MOXD1: variants seen among roughly 807,000 people sequenced by gnomAD.
MOXD1 encodes monooxygenase DBH like 1.
In MOXD1, 62 loss-of-function variants were observed where a neutral mutation model predicts 66.6. That is an observed-to-expected ratio of 0.93 (90% CI 0.76 to 1.15). The LOEUF (loss-of-function observed/expected upper bound fraction) is 1.15, where lower values mean the gene tolerates loss of function less well. MOXD1 is among the 50% of genes most tolerant of loss of function. The pLI is 0.00. For synonymous variants in MOXD1, 303 were observed against 281.9 expected, an observed-to-expected ratio of 1.07 and a Z score of -0.75; for missense variants, 847 against 754.6, an observed-to-expected ratio of 1.12 and a Z score of -1.44.
At chr6:132,399,902 T>A (rs1776982286) in intron 1 of MOXD1, among the ~76,000 whole-genome samples, 1 of 152,208 alleles carries the variant, frequency 6.6e-6, no homozygotes, top group Non-Finnish European at 1.5e-5. Flanking sequence ...AGTTAATGTC[T>A]GAGATGCTGC....
intron 4 of MOXD1, among the ~76,000 whole-genome samples, chr6:132,332,531 C>A (rs978666721): frequency 1.3e-5 from 2 of 152,136 alleles, no homozygotes; most frequent in Non-Finnish European, 2.9e-5. Context: ...AATTTTCAGA[C>A]CACCATGGGG....
At position 132,359,522 on chromosome 6, in the gene MOXD1, T is replaced by G. The variant is rs530261627; in HGVS notation, c.663+13086A>C. Among the ~76,000 whole-genome samples the G allele has an allele frequency of 7.3e-3, 1,096 of 149,192 alleles. 5 individuals are homozygous for G. The highest frequency in any genetic ancestry group is 0.012 in the Non-Finnish European group (781 of 67,444). ...TTTTTTTTGAGACGGAGTCTCGCTC[T>G]GTCGCCCAGGCTGGAGTGCAGTGGC... On this transcript the variant is annotated intron_variant, in intron 4 of 11. Coordinates refer to ENST00000367963, the MANE Select transcript of MOXD1 (RefSeq NM_015529.4).
rs140099289 is a variant in MOXD1 at position 132,390,139 on chromosome 6, T to C, written c.264+11024A>G. Among the ~76,000 whole-genome samples, 281 of 151,574 alleles carry C rather than the reference T, an allele frequency of 1.9e-3. 5 individuals carry two copies. Among genetic ancestry groups the C allele is most frequent in the African/African-American group, 6.5e-3 (270 of 41,514 alleles). ...ACTCTAGCTGAGCTTACTAAACATC[T>C]GTGTAACAATGCCACAGAAATAGAA... On this transcript the variant is annotated intron_variant, in intron 1 of 11. Transcript: ENST00000367963.
intron 4 of MOXD1, among the ~76,000 whole-genome samples, chr6:132,332,113 T>C (rs1775332516): frequency 6.6e-6 from 1 of 152,174 alleles, no homozygotes; most frequent in African/African-American, 2.4e-5. Context: ...ACCCATGGCC[T>C]TTCAAGGTGT....
chr6:132,381,049 C>T (rs888289737), intron 1 of MOXD1, among the ~76,000 whole-genome samples: 1 of 152,126 alleles, frequency 6.6e-6, no homozygotes, highest in Non-Finnish European at 1.5e-5. Context: ...AAAAATAGAT[C>T]TAAGAGGGAG....
intron 10 of MOXD1, among the ~76,000 whole-genome samples, chr6:132,306,554 T>A (rs1774692505): frequency 6.6e-6 from 1 of 151,908 alleles, no homozygotes; most frequent in Non-Finnish European, 1.5e-5. Flanking sequence ...CCAAGACACA[T>A]AATAATCAGA....
chr6:132,305,880 A>C (rs937958330), intron 10 of MOXD1, among the ~76,000 whole-genome samples: 3 of 152,184 alleles, frequency 2.0e-5, no homozygotes, highest in Admixed American at 2.0e-4. Context: ...TGAATACCAA[A>C]ACTGGACAAA....
chr6:132,306,405 G>T (rs974245491), intron 10 of MOXD1, among the ~76,000 whole-genome samples: 1 of 152,130 alleles, frequency 6.6e-6, no homozygotes, highest in African/African-American at 2.4e-5. Flanking sequence ...ACCAGAAGGA[G>T]ATGGGGAAAA....
chr6:132,397,698 GAA>G (rs869225642), intron 1 of MOXD1, among the ~76,000 whole-genome samples: 61 of 139,776 alleles, frequency 4.4e-4, no homozygotes, highest in Non-Finnish European at 8.2e-4. Context: ...AAGAAAGAAA[GAA>G]AAAGAAAGAG....
chr6:132,356,294 G>A (rs1775909160), intron 4 of MOXD1, among the ~76,000 whole-genome samples: 1 of 152,172 alleles, frequency 6.6e-6, no homozygotes, highest in Non-Finnish European at 1.5e-5. Flanking sequence ...AGCATAAAAA[G>A]AGCATAAGCC....
At chr6:132,317,427 G>A (rs996224746) in intron 9 of MOXD1, among the ~76,000 whole-genome samples, 6 of 152,128 alleles carry the variant, frequency 3.9e-5, no homozygotes, top group Non-Finnish European at 8.8e-5. Flanking sequence ...GTTCAGAGTT[G>A]TACCAAATTG....
intron 1 of MOXD1, among the ~76,000 whole-genome samples, chr6:132,381,766 C>T (rs1776517677): frequency 6.6e-6 from 1 of 152,124 alleles, no homozygotes; most frequent in Non-Finnish European, 1.5e-5. Context: ...CACAGTAAAA[C>T]ATTGACCAAT....
chr6:132,303,116 T>C (rs1303356202), intron 10 of MOXD1, among the ~76,000 whole-genome samples: 2 of 152,092 alleles, frequency 1.3e-5, no homozygotes, highest in East Asian at 3.9e-4. Context: ...AAGTCTTCCC[T>C]TGAGTAGGCA....
chr6:132,324,303 G>T (rs1195705837), intron 6 of MOXD1, among the ~76,000 whole-genome samples: 2 of 152,100 alleles, frequency 1.3e-5, no homozygotes, highest in Non-Finnish European at 2.9e-5. Flanking sequence ...GTTAAAAGAT[G>T]AGTAGCCATA....
intron 4 of MOXD1, among the ~76,000 whole-genome samples, chr6:132,342,710 A>G (rs1209648358): frequency 6.6e-6 from 1 of 152,250 alleles, no homozygotes; most frequent in East Asian, 1.9e-4. Context: ...AGCATTTCAC[A>G]GAGTCAAATG....
At chr6:132,333,281 A>T (rs373549767) in intron 4 of MOXD1, among the ~76,000 whole-genome samples, 1 of 144,284 alleles carries the variant, frequency 6.9e-6, no homozygotes, top group East Asian at 2.1e-4. Flanking sequence ...GCTGGCAGTG[A>T]GCTGAGATCG....
chr6:132,303,441 A>G (rs1330483287), intron 10 of MOXD1, among the ~76,000 whole-genome samples: 1 of 152,030 alleles, frequency 6.6e-6, no homozygotes, highest in East Asian at 1.9e-4. Flanking sequence ...CACTTATATA[A>G]AATGGTGTAG....
chr6:132,387,806 A>T (rs1776683827), intron 1 of MOXD1, among the ~76,000 whole-genome samples: 1 of 148,896 alleles, frequency 6.7e-6, no homozygotes, highest in African/African-American at 2.4e-5. Context: ...AATATTTAGG[A>T]TTATAACTAA....
At chr6:132,389,141 T>C (rs1306797512) in intron 1 of MOXD1, among the ~76,000 whole-genome samples, 1 of 151,214 alleles carries the variant, frequency 6.6e-6, no homozygotes, top group East Asian at 1.9e-4. Flanking sequence ...TGGCTTCAAG[T>C]GATCCTCCTG....
Sources: gnomAD v4.1 joint callset for allele counts (sites outside exome capture counted in the v4.1 genomes callset) on GRCh38, gnomAD v4.1.1 for gene constraint, MANE v1.5 for transcripts, NCBI Gene and HGNC (gene_info 2026-07-23, HGNC 2026-07-21) for gene names.